PKN2: variants seen among roughly 807,000 people sequenced by gnomAD.
PKN2 encodes serine/threonine-protein kinase N2.
In PKN2, 38 loss-of-function variants were observed where a neutral mutation model predicts 119.1. The observed-to-expected ratio is 0.32, with a 90% CI of 0.25 to 0.42. The LOEUF is 0.42. Among genes scored for constraint, PKN2 ranks in the 10% least tolerant of loss-of-function variants. The pLI is 1.00. For missense variants in PKN2, 850 were observed against 1,165.1 expected (o/e 0.73, Z 3.94); for synonymous variants, 390 against 384.9 (o/e 1.01, Z -0.15).
intron 8 of PKN2, among the ~76,000 whole-genome samples, chr1:88,791,950 G>T (rs140600855): frequency 1.3e-5 from 2 of 152,286 alleles, no homozygotes; most frequent in Non-Finnish European, 2.9e-5. Context: ...AGCAGAACAA[G>T]AGTAGGAATA....
intron 15 of PKN2, among the ~76,000 whole-genome samples, chr1:88,812,348 T>C (rs1222474239): frequency 1.3e-5 from 2 of 152,214 alleles, no homozygotes; most frequent in Non-Finnish European, 2.9e-5. Flanking sequence ...ACCACTTATA[T>C]GTTCCACCCA....
chr1:88,743,238 G>A (rs1323208702), intron 2 of PKN2, among the ~76,000 whole-genome samples: 1 of 152,100 alleles, frequency 6.6e-6, no homozygotes, highest in African/African-American at 2.4e-5. Context: ...CAAAATGCAC[G>A]TATTTTAAGT....
intron 1 of PKN2, among the ~76,000 whole-genome samples, chr1:88,688,723 C>T (rs1382325687): frequency 6.6e-6 from 1 of 152,166 alleles, no homozygotes; most frequent in African/African-American, 2.4e-5. Flanking sequence ...AAAGATTTAA[C>T]ATTACTCTGT....
chr1:88,743,838 AG>A (rs1242362078), intron 2 of PKN2, among the ~76,000 whole-genome samples: 1 of 148,910 alleles, frequency 6.7e-6, no homozygotes, highest in Non-Finnish European at 1.5e-5. Context: ...AAGACTTAAA[AG>A]TTTTATGATA....
intron 2 of PKN2, among the ~76,000 whole-genome samples, chr1:88,749,403 CAAAAA>C (rs11430270): frequency 1.7e-5 from 2 of 116,800 alleles, no homozygotes. Flanking sequence ...GACTCCGTCT[CAAAAA>C]AAAAAAAAAA....
Position 88,819,953 on chromosome 1 carries a change from T to C in PKN2, c.2280-1988T>C, listed in dbSNP as rs550873495. On this transcript the variant is annotated intron_variant, in intron 16 of 21. Coordinates refer to ENST00000370521, the MANE Select transcript of PKN2 (RefSeq NM_006256.4). ...GTTCTCATAAGTGGGAGTTGAACAA[T>C]GAGAACACCTGGACACAGGGAGGGG... Among the ~76,000 whole-genome samples, 5 of 149,120 alleles carry C rather than the reference T, an allele frequency of 3.4e-5. No individual in the cohort carries two copies. The East Asian group carries it at 9.9e-4, about 30-fold the overall frequency.
At chr1:88,783,147 C>T (rs1469859032) in intron 6 of PKN2, among the ~76,000 whole-genome samples, 1 of 152,182 alleles carries the variant, frequency 6.6e-6, no homozygotes, top group Non-Finnish European at 1.5e-5. Flanking sequence ...CTAACTTTTT[C>T]AGTGGGTTCT....
chr1:88,696,614 G>A (rs987627629), intron 1 of PKN2, among the ~76,000 whole-genome samples: 8 of 152,132 alleles, frequency 5.3e-5, no homozygotes, highest in Admixed American at 3.3e-4. Context: ...AAATCTGAGT[G>A]GCCTTAGTCA....
At chr1:88,730,565 G>C (rs1668107972) in intron 1 of PKN2, among the ~76,000 whole-genome samples, 1 of 152,204 alleles carries the variant, frequency 6.6e-6, no homozygotes, top group Non-Finnish European at 1.5e-5. Flanking sequence ...GATGAAACTT[G>C]GTAATGTGGT....
At chr1:88,687,612 A>T (rs1462526036) in intron 1 of PKN2, among the ~76,000 whole-genome samples, 1 of 152,172 alleles carries the variant, frequency 6.6e-6, no homozygotes, top group Non-Finnish European at 1.5e-5. Flanking sequence ...ATTATTGGAG[A>T]TTCATTTTCT....
chr1:88,735,602 A>ACCCCC (rs75497861), intron 1 of PKN2, among the ~76,000 whole-genome samples: 3 of 51,510 alleles, frequency 5.8e-5, no homozygotes, highest in Admixed American at 2.5e-4. Context: ...TTGACAGCCC[A>ACCCCC]CCCCCCCCCC....
At chr1:88,779,693 G>C (rs1245711214) in intron 6 of PKN2, among the ~76,000 whole-genome samples, 1 of 152,134 alleles carries the variant, frequency 6.6e-6, no homozygotes, top group East Asian at 1.9e-4. Flanking sequence ...TTATGAAAGT[G>C]TTCTTCAATA....
chr1:88,779,215 A>G (rs1451272129), intron 6 of PKN2, among the ~76,000 whole-genome samples: 2 of 109,522 alleles, frequency 1.8e-5, no homozygotes, highest in Admixed American at 1.8e-4. Flanking sequence ...AGGCAAAGGT[A>G]AGTGAAAACT....
At chr1:88,780,687 A>G (rs1670300113) in intron 6 of PKN2, among the ~76,000 whole-genome samples, 1 of 152,136 alleles carries the variant, frequency 6.6e-6, no homozygotes, top group African/African-American at 2.4e-5. Flanking sequence ...ATAGTATCTG[A>G]CAATTAGGCA....
At chr1:88,828,678 G>T in intron 19 of PKN2, 55 bp downstream of exon 19, 1 of 1,484,356 alleles carries the variant, frequency 6.7e-7, no homozygotes, top group African/African-American at 1.4e-5. Flanking sequence ...AAATAATAAA[G>T]CATGTCATTT....
intron 8 of PKN2, among the ~76,000 whole-genome samples, chr1:88,799,826 G>C (rs1180202892): frequency 6.6e-6 from 1 of 152,048 alleles, no homozygotes; most frequent in Non-Finnish European, 1.5e-5. Context: ...TCCATAAGTA[G>C]CCAATTTAAA....
intron 10 of PKN2, among the ~76,000 whole-genome samples, 158 bp from the exon 11 acceptor site, chr1:88,805,339 G>A (rs1671494041): frequency 6.6e-6 from 1 of 152,008 alleles, no homozygotes. Flanking sequence ...TTTTGCATTA[G>A]CCTTTACTAG....
intron 1 of PKN2, among the ~76,000 whole-genome samples, chr1:88,709,782 T>C (rs979118793): frequency 2.0e-5 from 3 of 152,184 alleles, no homozygotes; most frequent in Non-Finnish European, 4.4e-5. Flanking sequence ...TTAAAAAAAA[T>C]TATGCTGGGT....
At chr1:88,824,456 A>G (rs541273467) in intron 18 of PKN2, 70 bp downstream of exon 18, 1 of 892,348 alleles carries the variant, frequency 1.1e-6, no homozygotes, top group South Asian at 1.4e-5. Context: ...GTAGTTTTCA[A>G]GTTTGTCTAT....
Sources: allele counts gnomAD v4.1 joint callset (sites outside exome capture counted in the v4.1 genomes callset), GRCh38; gene constraint gnomAD v4.1.1; transcripts MANE v1.5; gene names NCBI Gene and HGNC (gene_info 2026-07-23, HGNC 2026-07-21).